The following ZRANB3 variants were observed in gnomAD, a reference collection of about 807,000 sequenced individuals.
The protein encoded by ZRANB3 is DNA annealing helicase and endonuclease ZRANB3.
Under a neutral mutation model 133.8 loss-of-function variants are expected in ZRANB3, and 125 were observed. The ratio of observed to expected loss-of-function variants is 0.93; its 90% confidence interval spans 0.81 to 1.08. The LOEUF is 1.08. ZRANB3 is among the 50% of genes least tolerant of loss of function. The pLI, the probability that ZRANB3 is intolerant of heterozygous loss-of-function variation, is 0.00. For missense variants in ZRANB3, 1,229 were observed against 1,275.5 expected (o/e 0.96, Z 0.56); for synonymous variants, 387 against 432.7 (o/e 0.89, Z 1.31).
rs114615659 is a variant in ZRANB3 at position 135,252,683 on chromosome 2, G to C, written c.1539+12851C>G. Among the ~76,000 whole-genome samples the C allele has an allele frequency of 3.0e-3, 454 of 152,244 alleles. 2 individuals carry two copies. The highest frequency in any genetic ancestry group is 0.01 in the African/African-American group (430 of 41,532). On this transcript the variant is annotated intron_variant, in intron 12 of 20. Coordinates refer to ENST00000264159, the MANE Select transcript of ZRANB3 (RefSeq NM_032143.4). ...ACCCTTCACCTCTGTCCTGAAGCCA[G>C]CTCCTCTTCTACCACCACAATCTTT...
At chr2:135,423,720 C>A (rs1462529856) in intron 2 of ZRANB3, among the ~76,000 whole-genome samples, 2 of 152,052 alleles carry the variant, frequency 1.3e-5, no homozygotes, top group African/African-American at 4.8e-5. Flanking sequence ...TGAGGTTTTA[C>A]AAAATTTGAG....
At chr2:135,373,246 C>CATAT (rs1686265307) in intron 3 of ZRANB3, among the ~76,000 whole-genome samples, 1 of 152,086 alleles carries the variant, frequency 6.6e-6, no homozygotes, top group East Asian at 1.9e-4. Context: ...GTGGTAAGTA[C>CATAT]ATATGGCTCC....
At chr2:135,299,709 T>C (rs1040028762) in intron 8 of ZRANB3, among the ~76,000 whole-genome samples, 2 of 152,220 alleles carry the variant, frequency 1.3e-5, no homozygotes, top group African/African-American at 4.8e-5. Flanking sequence ...ACTTAAAATA[T>C]ACTTTGTCCT....
chr2:135,417,916 C>G (rs935403422), intron 2 of ZRANB3, among the ~76,000 whole-genome samples: 1 of 151,942 alleles, frequency 6.6e-6, no homozygotes, highest in Non-Finnish European at 1.5e-5. Flanking sequence ...ACAATGAGAA[C>G]ACATGGACAC....
At chr2:135,442,439 A>C (rs1053016607) in intron 2 of ZRANB3, among the ~76,000 whole-genome samples, 4 of 152,172 alleles carry the variant, frequency 2.6e-5, no homozygotes, top group African/African-American at 9.7e-5. Flanking sequence ...ACAAACATAC[A>C]AAAAAATCCT....
At chr2:135,525,401 C>A (rs543803712) in intron 1 of ZRANB3, among the ~76,000 whole-genome samples, 4 of 152,256 alleles carry the variant, frequency 2.6e-5, no homozygotes, top group South Asian at 4.1e-4. Context: ...ACTTAGAAAT[C>A]ACAGAGTATT....
chr2:135,338,213 T>G (rs1684456111), intron 6 of ZRANB3, among the ~76,000 whole-genome samples: 1 of 152,180 alleles, frequency 6.6e-6, no homozygotes, highest in Non-Finnish European at 1.5e-5. Context: ...AATAATTCAA[T>G]AAACATTGGA....
intron 2 of ZRANB3, among the ~76,000 whole-genome samples, chr2:135,414,798 T>A (rs1013114455): frequency 1.3e-5 from 2 of 152,030 alleles, no homozygotes; most frequent in Non-Finnish European, 2.9e-5. Flanking sequence ...GGATTAAGAA[T>A]CTCACTCAAA....
intron 6 of ZRANB3, among the ~76,000 whole-genome samples, chr2:135,334,723 G>A (rs1684294480): frequency 2.0e-5 from 3 of 151,250 alleles, no homozygotes; most frequent in South Asian, 2.1e-4. Flanking sequence ...GTGAAACCCC[G>A]TCTCTACTAA....
At chr2:135,461,941 C>A (rs1361245102) in intron 2 of ZRANB3, among the ~76,000 whole-genome samples, 1 of 152,062 alleles carries the variant, frequency 6.6e-6, no homozygotes, top group Non-Finnish European at 1.5e-5. Flanking sequence ...TCAGTAAACA[C>A]CCCTAGCCTG....
At chr2:135,315,592 T>A in intron 6 of ZRANB3, 62 bp from the exon 7 acceptor site, 1 of 1,157,976 alleles carries the variant, frequency 8.6e-7, no homozygotes, top group Non-Finnish European at 1.1e-6. Context: ...AAATAATTTA[T>A]CCAATGTGCT....
At chr2:135,454,480 TG>T (rs1690407281) in intron 2 of ZRANB3, among the ~76,000 whole-genome samples, 1 of 152,208 alleles carries the variant, frequency 6.6e-6, no homozygotes, top group Non-Finnish European at 1.5e-5. Context: ...AAGTGATTTC[TG>T]GTTATATAGA....
At chr2:135,212,561 G>A (rs1200681684) in intron 17 of ZRANB3, among the ~76,000 whole-genome samples, 3 of 152,108 alleles carry the variant, frequency 2.0e-5, no homozygotes, top group East Asian at 1.9e-4. Context: ...AGAAACAGAC[G>A]AACAAATTCC....
chr2:135,230,880 T>C lies in ZRANB3; in HGVS notation c.1587A>G (p.Gln529=). The C allele has an allele frequency of 1.3e-6, 2 of 1,588,132 alleles. No individual in the cohort carries two copies. The highest frequency in any genetic ancestry group is 1.7e-6 in the Non-Finnish European group (2 of 1,170,006). ...QHDIRSFFVP[Q]PKKRQLMTSC... The stretch of plus-strand genomic sequence containing the variant: ...AGGTCATCAACTGTCTTTTTTTAGG[T>C]TGTGGTACAAAAAATGATCGAATAT... Residue 529 remains glutamine (Q), a synonymous_variant, in exon 13 of 21, where the codon CAA becomes CAG. Coordinates refer to ENST00000264159, the MANE Select transcript of ZRANB3 (RefSeq NM_032143.4).
chr2:135,234,051 C>A (rs1349942818), intron 12 of ZRANB3, among the ~76,000 whole-genome samples: 1 of 152,152 alleles, frequency 6.6e-6, no homozygotes, highest in Non-Finnish European at 1.5e-5. Context: ...GGAAACCCAT[C>A]TCATGTGCAG....
At chr2:135,220,697 CAAAA>C (rs1222053120) in intron 15 of ZRANB3, among the ~76,000 whole-genome samples, 1 of 54,890 alleles carries the variant, frequency 1.8e-5, no homozygotes, top group African/African-American at 5.8e-5. Flanking sequence ...GACTCCATCT[CAAAA>C]AAAAAAAAAA....
At chr2:135,200,570 G>T in intron 20 of ZRANB3, 130 bp from the exon 21 acceptor site, 1 of 735,510 alleles carries the variant, frequency 1.4e-6, no homozygotes, top group Non-Finnish European at 2.2e-6. Flanking sequence ...GGTTGGCTAT[G>T]GAAGAGTTAC....
At chr2:135,332,911 C>T (rs1237522060) in intron 6 of ZRANB3, among the ~76,000 whole-genome samples, 1 of 152,110 alleles carries the variant, frequency 6.6e-6, no homozygotes, top group African/African-American at 2.4e-5. Flanking sequence ...TTTAAGTTCC[C>T]TTGTCCCACA....
chr2:135,313,395 C>T, intron 8 of ZRANB3, 94 bp downstream of exon 8: 1 of 664,738 alleles, frequency 1.5e-6, no homozygotes. Flanking sequence ...CAAAGAAATT[C>T]TGCAATATAT....
Sources: allele counts gnomAD v4.1 joint callset (sites outside exome capture counted in the v4.1 genomes callset), GRCh38; gene constraint gnomAD v4.1.1; transcripts MANE v1.5; gene names NCBI Gene and HGNC (gene_info 2026-07-23, HGNC 2026-07-21).